MGAM: variants seen among roughly 807,000 people sequenced by gnomAD.
MGAM encodes the protein alpha-1,4-glucosidase.
Under a neutral mutation model 358.8 loss-of-function variants are expected in MGAM, and 253 were observed. The observed-to-expected ratio is 0.71, with a 90% CI of 0.64 to 0.78. The LOEUF (loss-of-function observed/expected upper bound fraction) is 0.78. MGAM is among the 30% of genes least tolerant of loss of function. The pLI is 0.00. For missense variants in MGAM, 3,080 were observed against 3,432.6 expected (o/e 0.90, Z 2.57); for synonymous variants, 1,105 against 1,227.1 (o/e 0.90, Z 2.08).
At chr7:142,056,726 T>C in intron 29 of MGAM, 104 bp from the exon 30 acceptor site, 1 of 1,103,072 alleles carries the variant, frequency 9.1e-7, no homozygotes, top group East Asian at 2.6e-5. Flanking sequence ...CTGTTACTAC[T>C]CTATGATAGG....
In MGAM at chr7:142,052,897, C is replaced by A. The variant is rs375312122; in HGVS notation, c.3072C>A (p.Ser1024=). Residue 1024 remains serine, a synonymous_variant, in exon 26 of 71, where the codon TCC becomes TCA. Transcript: ENST00000475668. ...CAGCTGACATCTCCTTAAAGTCTTC[C>A]GTTTATGCCAATGCCTTCCCCTCCA... The part of the protein sequence containing the change: ...GATADISLKS[S]VYANAFPSTP... The A allele has an allele frequency of 1.2e-6, 2 of 1,613,698 alleles. No individual in the cohort carries two copies. Among genetic ancestry groups the A allele is most frequent in the Non-Finnish European group, 1.7e-6 (2 of 1,179,832 alleles).
intron 49 of MGAM, among the ~76,000 whole-genome samples, chr7:142,080,180 T>C (rs1291762330): frequency 2.7e-5 from 4 of 146,724 alleles, no homozygotes; most frequent in African/African-American, 9.7e-5. Flanking sequence ...CATTTCCTTC[T>C]CTAGAGTCTC....
Position 142,044,851 on chromosome 7 carries a change from C to T in MGAM, c.2499-2934C>T, listed in dbSNP as rs528895400. ...TGATATATAATGTATATTACATACACGTGTAATATATGATATATAATGTAT... is the reference window on the plus strand; with the variant it reads ...TGATATATAATGTATATTACATACATGTGTAATATATGATATATAATGTAT... On this transcript the variant is annotated intron_variant, in intron 21 of 70. Coordinates refer to ENST00000475668, the MANE Select transcript of MGAM (RefSeq NM_001365693.1). Among the ~76,000 whole-genome samples the T allele has an allele frequency of 7.5e-4, 46 of 61,208 alleles. 12 individuals carry two copies. The South Asian group carries it at 0.021, about 28-fold the overall frequency. 40.2% of individuals were successfully genotyped at this position (61,208 alleles called of 152,430 possible).
rs781808189 is a variant in MGAM, at chr7:142,036,988, C to T, written c.2231+11C>T. On this transcript the variant is annotated intron_variant, in intron 18 of 70. Transcript: ENST00000475668. ...GCCCCTTTTGCATGAGTAAGTTCACCTAACCTCCTTAAATTTTATTAATGC... is the reference window on the plus strand; with the variant it reads ...GCCCCTTTTGCATGAGTAAGTTCACTTAACCTCCTTAAATTTTATTAATGC... The T allele has an allele frequency of 1.2e-6, 2 of 1,608,654 alleles. No individual in the cohort carries two copies. Among genetic ancestry groups the T allele is most frequent in the Non-Finnish European group, 1.7e-6 (2 of 1,177,512 alleles).
At chr7:141,993,008 T>G (rs6947481), upstream of MGAM, among the ~76,000 whole-genome samples, 33,216 of 152,144 alleles carry the variant, frequency 0.22, 4,664 homozygotes, top group African/African-American at 0.39. Flanking sequence ...ACGGTGGTTG[T>G]TGTTCACTGA....
rs1330207942 is a variant in MGAM, at chr7:142,081,937, G to A, written c.6003-105G>A. On this transcript the variant is annotated intron_variant, in intron 50 of 70. Transcript: ENST00000475668. ...TTCAGTTTTGTTTGGGAGATGAACA[G>A]CTTCTGGGTAGGAATCAAGTGTTCT... 2.2e-5 allele frequency: 26 copies of A among 1,189,438 alleles called. 2 individuals carry two copies. The highest frequency in any genetic ancestry group is 2.9e-5 in the Non-Finnish European group (24 of 816,240). 73.7% of individuals were successfully genotyped at this position (1,189,438 alleles called of 1,614,324 possible).
intron 21 of MGAM, among the ~76,000 whole-genome samples, chr7:142,045,210 C>CATACATATACACATATAT (rs1809967931): frequency 8.8e-5 from 1 of 11,366 alleles, no homozygotes; most frequent in Non-Finnish European, 1.7e-4. Context: ...TATTATATAA[C>CATACATATACACATATAT]ATATATGTAT....
chr7:142,032,757 G>A, intron 13 of MGAM, 68 bp from the exon 14 acceptor site: 3 of 896,744 alleles, frequency 3.3e-6, no homozygotes, highest in Middle Eastern at 2.2e-4. Flanking sequence ...ATTAAAAAAA[G>A]ACACCATCAC....
chr7:142,100,637 C>T (rs1403589832), intron 67 of MGAM, among the ~76,000 whole-genome samples, 165 bp from the exon 68 acceptor site: 3 of 152,112 alleles, frequency 2.0e-5, no homozygotes, highest in Non-Finnish European at 2.9e-5. Context: ...GTCATAGAGC[C>T]AGACAGAGAC....
rs142939076 is a variant in MGAM at position 142,081,431 on chromosome 7, A to G, written c.6002+486A>G. On this transcript the variant is annotated intron_variant, in intron 50 of 70. Transcript: ENST00000475668. ...GGACCTGGATGAGAAGGAGCCACCC[A>G]CATGAGACAGGGCGAAGGGAAAGAG... Among the ~76,000 whole-genome samples, 147 of 145,716 alleles carry G rather than the reference A, an allele frequency of 1.0e-3. 2 individuals are homozygous for G. The highest frequency in any genetic ancestry group is 3.5e-3 in the African/African-American group (144 of 41,096).
intron 21 of MGAM, among the ~76,000 whole-genome samples, chr7:142,047,204 C>T (rs930660483): frequency 3.9e-5 from 6 of 152,194 alleles, no homozygotes; most frequent in Middle Eastern, 3.4e-3. Context: ...ATCTACTTTA[C>T]CATGTATTTG....
At chr7:142,000,249 C>T (rs1554450227) in intron 1 of MGAM, among the ~76,000 whole-genome samples, 1 of 152,126 alleles carries the variant, frequency 6.6e-6, no homozygotes, top group African/African-American at 2.4e-5. Flanking sequence ...TCAGCCAGGA[C>T]TGTAGTCATG....
At chr7:142,063,981 C>T (rs1182755596) in intron 36 of MGAM, among the ~76,000 whole-genome samples, 2 of 152,144 alleles carry the variant, frequency 1.3e-5, no homozygotes, top group Admixed American at 1.3e-4. Context: ...ATCTTGGCTC[C>T]AGAAATTGTT....
At chr7:142,008,859 CAT>C (rs1183299761) in intron 3 of MGAM, among the ~76,000 whole-genome samples, 154 bp downstream of exon 3, 2 of 151,986 alleles carry the variant, frequency 1.3e-5, no homozygotes, top group African/African-American at 4.8e-5. Context: ...AACCTGTGTC[CAT>C]GCTTGTATGA....
chr7:142,018,940 T>G (rs891007792), intron 3 of MGAM, among the ~76,000 whole-genome samples: 32 of 127,090 alleles, frequency 2.5e-4, no homozygotes, highest in Non-Finnish European at 3.8e-4. Flanking sequence ...TATTTATGAG[T>G]TTTTTTTTTT....
chr7:142,095,433 T>A (rs1413474759), intron 63 of MGAM, 132 bp from the exon 64 acceptor site: 13 of 1,313,924 alleles, frequency 9.9e-6, no homozygotes, highest in Non-Finnish European at 1.4e-5. Flanking sequence ...AAGAATATTC[T>A]CTGGGCCTCA....
intron 10 of MGAM, among the ~76,000 whole-genome samples, chr7:142,028,952 A>G (rs897688064): frequency 6.6e-6 from 1 of 152,188 alleles, no homozygotes; most frequent in Non-Finnish European, 1.5e-5. Context: ...CCAAAGGACA[A>G]TTAACACAGC....
At position 142,095,626 on chromosome 7, in the gene MGAM, C is replaced by T. The variant is rs769796064; in HGVS notation, c.7520C>T (p.Thr2507Ile). Reference sequence around the variant, plus strand: ...AATATTTCCAGAACTGTCCTGCAGACCAGATACACCCTGTTGCCATATCTG... The same window carrying T: ...AATATTTCCAGAACTGTCCTGCAGATCAGATACACCCTGTTGCCATATCTG... ...FVNISRTVLQ[T>I]RYTLLPYLYT... Residue 2507 changes from threonine to isoleucine, a missense_variant, in exon 64 of 71, where the codon ACC (threonine) becomes ATC (isoleucine). Physicochemically the swap from Thr to Ile is moderately conservative, Grantham distance 89. This residue lies in a region of MGAM where 932 missense variants were observed against 1,198.2 expected (regional missense o/e 0.78). Transcript: ENST00000475668. 2 of 1,613,884 alleles carry T rather than the reference C, an allele frequency of 1.2e-6. No homozygotes were observed. Among genetic ancestry groups the T allele is most frequent in the Non-Finnish European group, 1.7e-6 (2 of 1,179,794 alleles).
chr7:142,091,339 T>C (rs1196724149), intron 57 of MGAM, among the ~76,000 whole-genome samples: 2 of 144,074 alleles, frequency 1.4e-5, no homozygotes, highest in African/African-American at 2.5e-5. Flanking sequence ...AAGATGAAAA[T>C]AAGGGGAAGT....
Sources: allele counts gnomAD v4.1 joint callset (sites outside exome capture counted in the v4.1 genomes callset), GRCh38; gene constraint gnomAD v4.1.1; regional missense constraint gnomAD v4.1.1; transcripts MANE v1.5; gene names NCBI Gene and HGNC (gene_info 2026-07-23, HGNC 2026-07-21).